LTBP1: variants seen among roughly 807,000 people sequenced by gnomAD.
The protein encoded by LTBP1 is latent-transforming growth factor beta-binding protein 1.
LTBP1 carries 129 observed loss-of-function variants against 207.6 expected under a neutral mutation model. The observed-to-expected ratio is 0.62, with a 90% CI of 0.54 to 0.72. LTBP1 has a LOEUF of 0.72. Among genes scored for constraint, LTBP1 ranks in the 30% least tolerant of loss-of-function variants. LTBP1 has a pLI of 0.00. For synonymous variants in LTBP1, 963 were observed against 833.7 expected, an observed-to-expected ratio of 1.16 and a Z score of -2.67; for missense variants, 2,281 against 2,217.2, an observed-to-expected ratio of 1.03 and a Z score of -0.58.
intron 31 of LTBP1, among the ~76,000 whole-genome samples, chr2:33,378,212 TGTGTGTGTGTTTTG>T (rs962303625): frequency 3.3e-5 from 5 of 150,838 alleles, no homozygotes; most frequent in South Asian, 4.2e-4. Context: ...TGTGTGTGTG[TGTGTGTGTGTTTTG>T]TTTGTTTGTT....
intron 31 of LTBP1, among the ~76,000 whole-genome samples, chr2:33,377,345 T>C (rs1235362649): frequency 1.3e-5 from 2 of 152,226 alleles, no homozygotes; most frequent in East Asian, 3.9e-4. Context: ...ACTGCCTCAG[T>C]GTCCTCACCA....
intron 5 of LTBP1, among the ~76,000 whole-genome samples, chr2:33,142,897 T>A (rs1295229419): frequency 6.6e-6 from 1 of 152,206 alleles, no homozygotes; most frequent in East Asian, 1.9e-4. Flanking sequence ...TAACACAATG[T>A]CACAAAGTGT....
Position 33,365,362 on chromosome 2 carries a change from G to T in LTBP1, c.4570G>T (p.Asp1524Tyr). 1.2e-6 allele frequency: 2 copies of T among 1,614,212 alleles called. No individual in the cohort carries two copies. The highest frequency in any genetic ancestry group is 1.7e-6 in the Non-Finnish European group (2 of 1,180,026). ...AATAGAAGAAACTGATGTCTACCAA[G>T]ATTTGTGCTGGGAACATCTGAGTGA... ...EQIEETDVYQ[D>Y]LCWEHLSDEY... is the part of the protein sequence containing the mutation. Residue 1524 changes from aspartate (D) to tyrosine (Y), a missense_variant, in exon 31 of 34, where the codon GAT (aspartate) becomes TAT (tyrosine). By Grantham distance (160) the Asp-to-Tyr change is radical. This residue lies in a region of LTBP1 where 1,671 missense variants were observed against 1,634.8 expected (regional missense o/e 1.02). Transcript: ENST00000404816.
chr2:33,220,337 T>C (rs1573259068), intron 8 of LTBP1, among the ~76,000 whole-genome samples: 1 of 53,352 alleles, frequency 1.9e-5, no homozygotes, highest in Non-Finnish European at 5.8e-5. Context: ...TCCACACCTC[T>C]TTTTTTTCAC....
rs1430154941 is a variant in LTBP1 at position 33,184,450 on chromosome 2, C to T, written c.1202-2406C>T. On this transcript the variant is annotated intron_variant, in intron 5 of 33. Coordinates refer to ENST00000404816, the MANE Select transcript of LTBP1 (RefSeq NM_206943.4). The stretch of plus-strand genomic sequence containing the variant: ...CTCCCAAATATGCCCACCACCTCTC[C>T]TTTCTATGCATTGTCTTCCTAAAAT... 2.6e-5 allele frequency among the ~76,000 whole-genome samples: 4 copies of T among 152,144 alleles called. No individual in the cohort carries two copies. The East Asian group carries it at 7.7e-4, about 29-fold the overall frequency.
At chr2:33,350,229 A>G (rs948003002) in intron 26 of LTBP1, among the ~76,000 whole-genome samples, 2 of 152,230 alleles carry the variant, frequency 1.3e-5, no homozygotes, top group Non-Finnish European at 2.9e-5. Flanking sequence ...ATAGGCTATC[A>G]CATTTTTATT....
At chr2:33,229,368 A>G (rs1315286937) in intron 9 of LTBP1, among the ~76,000 whole-genome samples, 1 of 151,962 alleles carries the variant, frequency 6.6e-6, no homozygotes, top group Non-Finnish European at 1.5e-5. Context: ...CCAGCTACTG[A>G]GAAGCTGAGG....
intron 3 of LTBP1, among the ~76,000 whole-genome samples, chr2:33,031,875 C>G (rs1452132305): frequency 2.6e-5 from 4 of 152,094 alleles, no homozygotes; most frequent in Admixed American, 2.0e-4. Flanking sequence ...GTGTCAGGCT[C>G]ACCCTGGAAA....
chr2:33,331,034 T>C (rs6735233), intron 24 of LTBP1, among the ~76,000 whole-genome samples: 69,851 of 151,468 alleles, frequency 0.46, 16,556 homozygotes, highest in African/African-American at 0.53. Flanking sequence ...TTGGGTAAAA[T>C]TTCGTTTTTA....
intron 10 of LTBP1, among the ~76,000 whole-genome samples, chr2:33,246,438 G>C (rs980047845): frequency 7.3e-5 from 11 of 151,660 alleles, no homozygotes; most frequent in Non-Finnish European, 1.3e-4. Flanking sequence ...GTAGTCACAG[G>C]GAAATAGCAG....
At chr2:33,043,222 G>A (rs1263072766) in intron 3 of LTBP1, among the ~76,000 whole-genome samples, 2 of 152,178 alleles carry the variant, frequency 1.3e-5, no homozygotes, top group African/African-American at 4.8e-5. Context: ...ATACATTAAA[G>A]TAGTGGGATT....
At chr2:33,329,736 A>G (rs982194428) in intron 24 of LTBP1, among the ~76,000 whole-genome samples, 1 of 152,084 alleles carries the variant, frequency 6.6e-6, no homozygotes, top group African/African-American at 2.4e-5. Context: ...ATTATTTAAT[A>G]GGTTTATCTG....
chr2:33,040,072 A>G (rs568163438), intron 3 of LTBP1, among the ~76,000 whole-genome samples: 2 of 152,188 alleles, frequency 1.3e-5, no homozygotes, highest in African/African-American at 2.4e-5. Flanking sequence ...AGAGTAGGGC[A>G]TGGAGGCCCA....
chr2:33,077,945 C>G (rs928079612), intron 3 of LTBP1, among the ~76,000 whole-genome samples: 1 of 152,126 alleles, frequency 6.6e-6, no homozygotes, highest in South Asian at 2.1e-4. Context: ...AGGATCCGAA[C>G]AGGAGGGGAA....
chr2:33,131,064 G>A (rs1205813066), intron 4 of LTBP1, among the ~76,000 whole-genome samples: 3 of 152,008 alleles, frequency 2.0e-5, no homozygotes, highest in African/African-American at 7.3e-5. Context: ...TTTCTCACTG[G>A]TGCAGCAGGA....
intron 2 of LTBP1, among the ~76,000 whole-genome samples, chr2:32,973,992 A>G (rs1400623248): frequency 6.6e-6 from 1 of 152,152 alleles, no homozygotes; most frequent in Non-Finnish European, 1.5e-5. Flanking sequence ...TTCTTTATCC[A>G]TTCATCTGTT....
At chr2:33,108,098 G>A (rs957573325) in intron 3 of LTBP1, among the ~76,000 whole-genome samples, 2 of 152,184 alleles carry the variant, frequency 1.3e-5, no homozygotes, top group Non-Finnish European at 2.9e-5. Flanking sequence ...CACCAACCAC[G>A]AAGGAGAAAG....
intron 9 of LTBP1, among the ~76,000 whole-genome samples, chr2:33,238,551 A>G (rs180961186): frequency 6.6e-6 from 1 of 152,210 alleles, no homozygotes; most frequent in Admixed American, 6.5e-5. Context: ...TGGGGATAAT[A>G]TAGTTCAGCC....
chr2:33,142,995 G>T (rs1360243304), intron 5 of LTBP1, among the ~76,000 whole-genome samples: 1 of 152,204 alleles, frequency 6.6e-6, no homozygotes, highest in African/African-American at 2.4e-5. Context: ...GGGCCCTGCT[G>T]CCTGGCTCCA....
Sources: allele counts gnomAD v4.1 joint callset (sites outside exome capture counted in the v4.1 genomes callset), GRCh38; gene constraint gnomAD v4.1.1; regional missense constraint gnomAD v4.1.1; transcripts MANE v1.5; gene names NCBI Gene and HGNC (gene_info 2026-07-23, HGNC 2026-07-21).